Variants in LINGO2 observed in about 807,000 individuals in gnomAD.
The protein encoded by LINGO2 is leucine-rich repeat and immunoglobulin-like domain-containing nogo receptor-interacting protein 2.
In LINGO2, 14 loss-of-function variants were observed where a neutral mutation model predicts 30.6. That is an observed-to-expected ratio of 0.46 (90% CI 0.30 to 0.72). LINGO2 has a LOEUF of 0.72. Among genes scored for constraint, LINGO2 ranks in the 30% least tolerant of loss-of-function variants. The probability of loss-of-function intolerance (pLI) is 0.07; values close to 1 mark genes in which losing one functional copy is unlikely to be tolerated. For missense variants in LINGO2, 729 were observed against 751.7 expected, an observed-to-expected ratio of 0.97 and a Z score of 0.35; for synonymous variants, 317 against 288.5, an observed-to-expected ratio of 1.10 and a Z score of -1.00.
At chr9:29,139,970 A>C in the LINGO2 span, among the ~76,000 whole-genome samples, 1 of 152,102 alleles carries the variant, frequency 6.6e-6, no homozygotes, top group African/African-American at 2.4e-5. Context: ...GAGTTCTTGA[A>C]AAAAGAAACT....
intron 4 of LINGO2, among the ~76,000 whole-genome samples, chr9:28,052,586 G>C (rs1824726358): frequency 1.3e-5 from 2 of 152,052 alleles, no homozygotes; most frequent in African/African-American, 4.8e-5. Flanking sequence ...GAAACACCTG[G>C]TTTCATGGTA....
intron 5 of LINGO2, among the ~76,000 whole-genome samples, chr9:27,969,579 T>C (rs964259217): frequency 6.6e-6 from 1 of 152,124 alleles, no homozygotes; most frequent in African/African-American, 2.4e-5. Flanking sequence ...ATTACCATTT[T>C]GTAGATAAGA....
chr9:28,512,018 G>A (rs1308918417), intron 1 of LINGO2, among the ~76,000 whole-genome samples: 1 of 151,810 alleles, frequency 6.6e-6, no homozygotes, highest in African/African-American at 2.4e-5. Flanking sequence ...ATCAGTGCAG[G>A]CTGGGGGAGA....
intron 1 of LINGO2, among the ~76,000 whole-genome samples, chr9:28,604,278 A>G (rs1370335600): frequency 3.3e-5 from 5 of 152,036 alleles, no homozygotes. Flanking sequence ...ATGTAAAGAT[A>G]GAAAGTGCCC....
intron 2 of LINGO2, among the ~76,000 whole-genome samples, chr9:28,447,364 T>C (rs1204373460): frequency 6.6e-6 from 1 of 152,144 alleles, no homozygotes; most frequent in East Asian, 1.9e-4. Context: ...CCTTCCACCA[T>C]GTGAGGACAC....
chr9:28,287,507 C>G (rs78323743), intron 4 of LINGO2, among the ~76,000 whole-genome samples: 4,044 of 152,194 alleles, frequency 0.027, 157 homozygotes, highest in African/African-American at 0.092. Context: ...ATACATTCAG[C>G]AGAATTACTT....
At chr9:28,068,907 C>A (rs1041317148) in intron 4 of LINGO2, among the ~76,000 whole-genome samples, 1 of 152,176 alleles carries the variant, frequency 6.6e-6, no homozygotes, top group Non-Finnish European at 1.5e-5. Flanking sequence ...ACTATAATCA[C>A]TGCAGATACA....
chr9:28,466,891 A>G (rs992508994), intron 2 of LINGO2, among the ~76,000 whole-genome samples: 6 of 152,212 alleles, frequency 3.9e-5, no homozygotes, highest in African/African-American at 1.4e-4. Flanking sequence ...AACTTTAGAA[A>G]TGGTGTTACA....
At chr9:28,648,392 G>C (rs1019081144) in intron 1 of LINGO2, among the ~76,000 whole-genome samples, 1 of 152,000 alleles carries the variant, frequency 6.6e-6, no homozygotes. Context: ...CTAAGGATCG[G>C]TCAATGCATC....
chr9:28,836,258 C>G, the LINGO2 span, among the ~76,000 whole-genome samples: 1 of 152,156 alleles, frequency 6.6e-6, no homozygotes, highest in African/African-American at 2.4e-5. Context: ...GTCTCTAAGC[C>G]CAGTTCTCAG....
At chr9:28,683,128 T>A in the LINGO2 span, among the ~76,000 whole-genome samples, 4 of 152,180 alleles carry the variant, frequency 2.6e-5, no homozygotes, top group African/African-American at 9.6e-5. Flanking sequence ...ATATGTTTTC[T>A]TAATGTACCC....
At chr9:29,208,911 C>A in the LINGO2 span, among the ~76,000 whole-genome samples, 1 of 152,106 alleles carries the variant, frequency 6.6e-6, no homozygotes, top group East Asian at 1.9e-4. Flanking sequence ...ATTTTTAGAA[C>A]TAGGATCTTC....
chr9:29,211,825 C>T, the LINGO2 span, among the ~76,000 whole-genome samples: 2 of 152,142 alleles, frequency 1.3e-5, no homozygotes, highest in Non-Finnish European at 2.9e-5. Context: ...CTCGGAGCAG[C>T]CTGGCCCAGA....
At chr9:28,844,246 TA>T in the LINGO2 span, among the ~76,000 whole-genome samples, 63 of 151,820 alleles carry the variant, frequency 4.1e-4, no homozygotes, top group East Asian at 0.012. Context: ...CCTGTTGTCC[TA>T]GCCATTCAGG....
chr9:28,011,805 A>G (rs908601199), intron 5 of LINGO2, among the ~76,000 whole-genome samples: 2 of 152,204 alleles, frequency 1.3e-5, no homozygotes, highest in African/African-American at 4.8e-5. Flanking sequence ...TGGCAAGAGA[A>G]GTGGCCTGAT....
At chr9:27,966,997 T>C (rs1360050736) in intron 5 of LINGO2, among the ~76,000 whole-genome samples, 1 of 152,178 alleles carries the variant, frequency 6.6e-6, no homozygotes, top group African/African-American at 2.4e-5. Flanking sequence ...ACTGGACTCT[T>C]TGAAGTGTGG....
At chr9:28,857,584 C>T in the LINGO2 span, among the ~76,000 whole-genome samples, 4 of 152,010 alleles carry the variant, frequency 2.6e-5, no homozygotes, top group Admixed American at 2.6e-4. Flanking sequence ...GGCAAAGGGG[C>T]GTGAGCTAGA....
chr9:28,821,128 A>C, the LINGO2 span, among the ~76,000 whole-genome samples: 3 of 152,056 alleles, frequency 2.0e-5, no homozygotes, highest in Admixed American at 6.5e-5. Flanking sequence ...AAAATAAATA[A>C]GTTCCTAAAA....
At chr9:29,134,269 G>A in the LINGO2 span, among the ~76,000 whole-genome samples, 1 of 152,102 alleles carries the variant, frequency 6.6e-6, no homozygotes, top group African/African-American at 2.4e-5. Context: ...ACAGGAGACA[G>A]TCAAATAAAT....
Sources: gnomAD v4.1 joint callset for allele counts (sites outside exome capture counted in the v4.1 genomes callset) on GRCh38, gnomAD v4.1.1 for gene constraint, MANE v1.5 for transcripts, NCBI Gene and HGNC (gene_info 2026-07-23, HGNC 2026-07-21) for gene names.